The following ETFDH variants were observed in gnomAD, a reference collection of about 807,000 sequenced individuals.
ETFDH encodes the protein electron transfer flavoprotein dehydrogenase, also known as electron transfer flavoprotein-ubiquinone oxidoreductase, mitochondrial.
In ETFDH, 61 loss-of-function variants were observed where a neutral mutation model predicts 73.2. The ratio of observed to expected loss-of-function variants is 0.83; its 90% CI spans 0.68 to 1.03. The LOEUF (loss-of-function observed/expected upper bound fraction) is 1.03, where lower values mean the gene tolerates loss of function less well. Ranked by LOEUF, ETFDH falls within the 50% of genes least tolerant of loss-of-function variation. The probability of loss-of-function intolerance (pLI) is 0.00; values close to 1 mark genes in which losing one functional copy is unlikely to be tolerated. For missense variants in ETFDH, 685 were observed against 745.0 expected, an observed-to-expected ratio of 0.92 and a Z score of 0.94; for synonymous variants, 243 against 253.3, an observed-to-expected ratio of 0.96 and a Z score of 0.39.
chr4:158,693,709 C>A (rs549272247), intron 6 of ETFDH, among the ~76,000 whole-genome samples: 1 of 151,880 alleles, frequency 6.6e-6, no homozygotes, highest in African/African-American at 2.4e-5. Context: ...GCCACCCTAC[C>A]GCAACAAGAT....
intron 1 of ETFDH, among the ~76,000 whole-genome samples, chr4:158,676,725 T>TGCAAAG (rs1561235211): frequency 6.6e-6 from 1 of 152,228 alleles, no homozygotes; most frequent in Non-Finnish European, 1.5e-5. Context: ...GTTTTATTAT[T>TGCAAAG]GCTTGACTTC....
At chr4:158,682,448 A>G in intron 3 of ETFDH, 24 bp downstream of exon 3, 2 of 1,552,138 alleles carry the variant, frequency 1.3e-6, no homozygotes, top group Non-Finnish European at 1.8e-6. Flanking sequence ...TTTTTTATAC[A>G]AAGTCTAATC....
At chr4:158,673,902 TTG>T in intron 1 of ETFDH, among the ~76,000 whole-genome samples, 1 of 152,324 alleles carries the variant, frequency 6.6e-6, no homozygotes, top group East Asian at 1.9e-4. Flanking sequence ...TCAGTGGACT[TTG>T]TGACTTCTCT....
chr4:158,678,207 A>T (rs1773758972), intron 1 of ETFDH, among the ~76,000 whole-genome samples: 1 of 152,186 alleles, frequency 6.6e-6, no homozygotes, highest in Non-Finnish European at 1.5e-5. Flanking sequence ...CTGTTCCAGG[A>T]TCCAGTCCAG....
At chr4:158,703,343 C>CT (rs1316419239) in intron 9 of ETFDH, 80 bp from the exon 10 acceptor site, 19 of 998,562 alleles carry the variant, frequency 1.9e-5, no homozygotes, top group African/African-American at 1.6e-4. Context: ...CTCTAGAATA[C>CT]TTTAAGACTG....
chr4:158,692,734 C>T (rs1423339887), intron 6 of ETFDH, among the ~76,000 whole-genome samples: 1 of 149,256 alleles, frequency 6.7e-6, no homozygotes. Context: ...TTCTACCATT[C>T]TGATATTTCA....
intron 9 of ETFDH, chr4:158,700,731 A>G (rs1288336423): frequency 6.6e-6 from 1 of 152,196 alleles, no homozygotes; most frequent in Non-Finnish European, 1.5e-5. Flanking sequence ...GTTCAATACT[A>G]CAGAAGTTTC....
At chr4:158,698,502 T>C (rs558009415) in intron 8 of ETFDH, among the ~76,000 whole-genome samples, 1 of 152,302 alleles carries the variant, frequency 6.6e-6, no homozygotes, top group South Asian at 2.1e-4. Flanking sequence ...GTTTACATCC[T>C]TTTTCTTTAT....
In ETFDH at chr4:158,706,484, A is replaced by G. The variant is rs140020173; in HGVS notation, c.1468+113A>G. The G allele has an allele frequency of 1.4e-4, 161 of 1,114,982 alleles. 1 individual carries two copies. The Middle Eastern group carries it at 3.0e-3, about 21-fold the overall frequency. 69.1% of individuals were successfully genotyped at this position (1,114,982 alleles called of 1,614,324 possible). On this transcript the variant is annotated intron_variant, in intron 11 of 12. Coordinates refer to ENST00000511912, the MANE Select transcript of ETFDH (RefSeq NM_004453.4). Reference sequence around the variant, plus strand: ...TTCAACTTGGAGAAATTATAAATTTAGTGTCTAAGAACAGTATATTATTAC... The same window carrying G: ...TTCAACTTGGAGAAATTATAAATTTGGTGTCTAAGAACAGTATATTATTAC...
At chr4:158,698,312 A>G (rs1382732343) in intron 8 of ETFDH, among the ~76,000 whole-genome samples, 4 of 152,198 alleles carry the variant, frequency 2.6e-5, no homozygotes, top group Non-Finnish European at 5.9e-5. Context: ...ACATTGTTAA[A>G]TTTATGTGTT....
chr4:158,700,733 A>G (rs1234001002), intron 9 of ETFDH: 2 of 152,240 alleles, frequency 1.3e-5, no homozygotes, highest in Non-Finnish European at 1.5e-5. Flanking sequence ...TCAATACTAC[A>G]GAAGTTTCTC....
chr4:158,683,367 C>T (rs1242589658), intron 3 of ETFDH, among the ~76,000 whole-genome samples: 2 of 152,138 alleles, frequency 1.3e-5, no homozygotes, highest in African/African-American at 4.8e-5. Context: ...ATATAAATAT[C>T]TGTATTTTTT....
At chr4:158,689,636 A>ATATATATATATATATATATAT (rs765147554) in intron 5 of ETFDH, among the ~76,000 whole-genome samples, 1 of 63,666 alleles carries the variant, frequency 1.6e-5, no homozygotes, top group Non-Finnish European at 3.0e-5. Flanking sequence ...ATATATATAT[A>ATATATATATATATATATATAT]TTGTGGGGGG....
chr4:158,688,418 G>T (rs1383537929), intron 5 of ETFDH, among the ~76,000 whole-genome samples: 1 of 140,596 alleles, frequency 7.1e-6, no homozygotes, highest in African/African-American at 2.6e-5. Context: ...GGGCACAGTG[G>T]CTCACACCTG....
At chr4:158,679,002 A>G (rs530860303) in intron 1 of ETFDH, among the ~76,000 whole-genome samples, 3 of 152,236 alleles carry the variant, frequency 2.0e-5, no homozygotes, top group East Asian at 3.9e-4. Context: ...TCGATCAAAT[A>G]TAATTCATTT....
chr4:158,705,027 A>G (rs887634647), intron 10 of ETFDH, among the ~76,000 whole-genome samples: 6 of 152,212 alleles, frequency 3.9e-5, no homozygotes, highest in Admixed American at 6.5e-5. Context: ...TGGAGCCAGT[A>G]TATCACCAAA....
intron 7 of ETFDH, 115 bp downstream of exon 7, chr4:158,695,758 GA>G: frequency 1.3e-6 from 1 of 770,776 alleles, no homozygotes; most frequent in South Asian, 1.6e-5. Context: ...TCATTGTCTT[GA>G]AATGTTCATT....
At position 158,682,064 on chromosome 4, in the gene ETFDH, A is replaced by T. The variant is rs1773872723; in HGVS notation, c.176-131A>T. 3 of 1,220,724 alleles carry T rather than the reference A, an allele frequency of 2.5e-6. No individual in the cohort carries two copies. In the East Asian group the frequency reaches 7.0e-5, roughly 28 times the overall value. 75.6% of individuals were successfully genotyped at this position (1,220,724 alleles called of 1,614,324 possible). A position where few individuals can be genotyped will look rare whatever the true frequency, so the allele number is the denominator to read the frequency against. On this transcript the variant is annotated intron_variant, in intron 2 of 12. Transcript: ENST00000511912. ...CTAATACAGTAATATGCTTAATATA[A>T]TTATTGTGCAAAACACAGGGAGAAT...
chr4:158,689,710 A>G (rs890985239), intron 5 of ETFDH, among the ~76,000 whole-genome samples: 2 of 144,754 alleles, frequency 1.4e-5, no homozygotes, highest in African/African-American at 5.2e-5. Flanking sequence ...CTTTCTTACA[A>G]TCTGCTGTGT....
Sources: gnomAD v4.1 joint callset for allele counts (sites outside exome capture counted in the v4.1 genomes callset) on GRCh38, gnomAD v4.1.1 for gene constraint, MANE v1.5 for transcripts, NCBI Gene and HGNC (gene_info 2026-07-23, HGNC 2026-07-21) for gene names.